ZDHHC17: variants seen among roughly 807,000 people sequenced by gnomAD.
The protein encoded by ZDHHC17 is palmitoyltransferase ZDHHC17.
A neutral mutation model predicts 90.3 loss-of-function variants in ZDHHC17; 40 were observed. The ratio of observed to expected loss-of-function variants is 0.44; its 90% CI spans 0.34 to 0.58. The LOEUF is 0.58. Among genes scored for constraint, ZDHHC17 ranks in the 20% least tolerant of loss-of-function variants. The pLI is 0.01. For missense variants in ZDHHC17, 614 were observed against 780.8 expected, an observed-to-expected ratio of 0.79 and a Z score of 2.55; for synonymous variants, 235 against 252.4, an observed-to-expected ratio of 0.93 and a Z score of 0.65.
chr12:76,809,640 GA>G, intron 4 of ZDHHC17, 72 bp from the exon 5 acceptor site: 2 of 1,256,596 alleles, frequency 1.6e-6, no homozygotes, highest in African/African-American at 1.6e-5. Flanking sequence ...TACCTTACTT[GA>G]AAAAGCTCTT....
At position 76,815,228 on chromosome 12, in the gene ZDHHC17, A is replaced by G; in HGVS notation, c.608+18A>G. On this transcript the variant is annotated intron_variant, in intron 6 of 16. Coordinates refer to ENST00000426126, the MANE Select transcript of ZDHHC17 (RefSeq NM_015336.4). ...ACACATAGGTATGTAATGACTATAA[A>G]AAACTTATTTAGGCCATTTCAGCAT... is the stretch of plus-strand genomic sequence containing the variant. The G allele has an allele frequency of 6.5e-7, 1 of 1,530,770 alleles. No homozygotes were observed. Among genetic ancestry groups the G allele is most frequent in the Middle Eastern group, 1.7e-4 (1 of 5,868 alleles). 94.8% of individuals were successfully genotyped at this position (1,530,770 alleles called of 1,614,324 possible).
Position 76,851,970 on chromosome 12 carries a change from A to T in ZDHHC17, c.*985A>T, listed in dbSNP as rs702063. ...TTAACTAAAGATGGAGCATGATCTAAGTACATAGCACATGTGAATAAAAGA... is the reference window on the plus strand; with the variant it reads ...TTAACTAAAGATGGAGCATGATCTATGTACATAGCACATGTGAATAAAAGA... On this transcript the variant is annotated 3_prime_UTR_variant, in exon 17 of 17. Coordinates refer to ENST00000426126, the MANE Select transcript of ZDHHC17 (RefSeq NM_015336.4). 0.61 allele frequency: 92,657 copies of T among 151,908 alleles called. 28,275 individuals carry two copies. The highest frequency in any genetic ancestry group is 0.67 in the East Asian group (3,444 of 5,140). 9.4% of individuals were successfully genotyped at this position (151,908 alleles called of 1,614,324 possible). A position where few individuals can be genotyped will look rare whatever the true frequency, so the allele number is the denominator to read the frequency against.
chr12:76,781,223 A>G (rs1952621898), intron 1 of ZDHHC17, among the ~76,000 whole-genome samples: 1 of 152,160 alleles, frequency 6.6e-6, no homozygotes, highest in Non-Finnish European at 1.5e-5. Flanking sequence ...TGTTACTACT[A>G]CCTTGAAAGA....
intron 1 of ZDHHC17, 74 bp downstream of exon 1, chr12:76,764,403 G>A (rs1952404590): frequency 1.1e-5 from 15 of 1,421,718 alleles, no homozygotes; most frequent in Non-Finnish European, 1.4e-5. Context: ...GCCGAGGGCG[G>A]CGGCCGACGT....
chr12:76,815,554 A>G (rs1953076847), intron 6 of ZDHHC17, among the ~76,000 whole-genome samples: 1 of 151,898 alleles, frequency 6.6e-6, no homozygotes, highest in Admixed American at 6.6e-5. Context: ...TTTAAATTTT[A>G]AAAAGTGTTA....
intron 1 of ZDHHC17, among the ~76,000 whole-genome samples, chr12:76,781,350 G>T (rs1268515496): frequency 6.6e-6 from 1 of 152,208 alleles, no homozygotes; most frequent in African/African-American, 2.4e-5. Context: ...GTAGCAAAAA[G>T]TGTTAAGCGA....
intron 1 of ZDHHC17, among the ~76,000 whole-genome samples, chr12:76,789,445 T>G (rs928724609): frequency 1.3e-5 from 2 of 152,168 alleles, no homozygotes; most frequent in Non-Finnish European, 2.9e-5. Context: ...AGTTAGGACA[T>G]GTAAGAATAA....
intron 5 of ZDHHC17, among the ~76,000 whole-genome samples, chr12:76,810,904 G>GAAT (rs375670191): frequency 6.6e-6 from 1 of 152,126 alleles, no homozygotes; most frequent in Admixed American, 6.5e-5. Context: ...GACTTGATAG[G>GAAT]AATGGCTACA....
chr12:76,841,954 C>T, intron 10 of ZDHHC17, 28 bp from the exon 11 acceptor site: 8 of 1,420,536 alleles, frequency 5.6e-6, no homozygotes, highest in Non-Finnish European at 7.4e-6. Context: ...TTTATCATTG[C>T]TTCTTTAGAT....
intron 10 of ZDHHC17, among the ~76,000 whole-genome samples, chr12:76,841,564 G>A (rs761845013): frequency 6.6e-6 from 1 of 151,994 alleles, no homozygotes; most frequent in African/African-American, 2.4e-5. Context: ...TCAAAAAAAG[G>A]CAAAAGTGAG....
Position 76,764,198 on chromosome 12 carries a change from TC to T in ZDHHC17, c.-38del, listed in dbSNP as rs1368355429. The T allele has an allele frequency of 7.7e-7, 1 of 1,298,950 alleles. No homozygotes were observed. The highest frequency in any genetic ancestry group is 1.0e-6 in the Non-Finnish European group (1 of 959,484). 80.5% of individuals were successfully genotyped at this position (1,298,950 alleles called of 1,614,324 possible). A position where few individuals can be genotyped will look rare whatever the true frequency, so the allele number is the denominator to read the frequency against. ...GCTCGCCCCGCGCTCGCCCTCCGCC[TC>T]GCCCGAGCCCCGGGAGGGTGAAACG... On this transcript the variant is annotated 5_prime_UTR_variant, in exon 1 of 17. Transcript: ENST00000426126.
intron 10 of ZDHHC17, among the ~76,000 whole-genome samples, chr12:76,839,809 G>A (rs1363050862): frequency 1.3e-5 from 2 of 152,180 alleles, no homozygotes; most frequent in East Asian, 3.8e-4. Context: ...TGTTGTTAGT[G>A]GGGTTATAAA....
At chr12:76,800,305 C>G (rs1344959441) in intron 2 of ZDHHC17, among the ~76,000 whole-genome samples, 1 of 152,192 alleles carries the variant, frequency 6.6e-6, no homozygotes, top group Admixed American at 6.5e-5. Context: ...AGAAGAGGCA[C>G]AGTACTACAT....
At chr12:76,819,650 A>G (rs1407136246) in intron 7 of ZDHHC17, among the ~76,000 whole-genome samples, 1 of 152,208 alleles carries the variant, frequency 6.6e-6, no homozygotes, top group African/African-American at 2.4e-5. Context: ...CTTTTCATGT[A>G]TAAACAAACG....
intron 7 of ZDHHC17, among the ~76,000 whole-genome samples, chr12:76,822,061 T>A (rs114001529): frequency 0.016 from 2,434 of 152,292 alleles, 34 homozygotes; most frequent in Middle Eastern, 0.041. Flanking sequence ...TAGCAATAAC[T>A]ATTACTAATG....
intron 2 of ZDHHC17, among the ~76,000 whole-genome samples, chr12:76,800,634 G>A (rs541946090): frequency 6.6e-6 from 1 of 152,088 alleles, no homozygotes; most frequent in African/African-American, 2.4e-5. Flanking sequence ...TTGATTTAAA[G>A]TTTATTGTCT....
chr12:76,795,340 C>T (rs919340896), intron 1 of ZDHHC17, among the ~76,000 whole-genome samples: 5 of 151,966 alleles, frequency 3.3e-5, no homozygotes, highest in African/African-American at 7.3e-5. Context: ...ACCTCTTTAA[C>T]GTTGCACATG....
intron 10 of ZDHHC17, among the ~76,000 whole-genome samples, chr12:76,832,200 G>T (rs952424910): frequency 1.3e-5 from 2 of 152,292 alleles, no homozygotes; most frequent in African/African-American, 4.8e-5. Flanking sequence ...AGGCACAAAG[G>T]ATGTTAGACA....
At chr12:76,837,879 C>T (rs1953387898) in intron 10 of ZDHHC17, among the ~76,000 whole-genome samples, 1 of 152,096 alleles carries the variant, frequency 6.6e-6, no homozygotes, top group Non-Finnish European at 1.5e-5. Flanking sequence ...TCTTGAACTG[C>T]TGGGCTTAAG....
Sources: gnomAD v4.1 joint callset for allele counts (sites outside exome capture counted in the v4.1 genomes callset) on GRCh38, gnomAD v4.1.1 for gene constraint, MANE v1.5 for transcripts, NCBI Gene and HGNC (gene_info 2026-07-23, HGNC 2026-07-21) for gene names.